Variants in RERE observed in about 807,000 individuals in gnomAD.
RERE encodes the protein arginine-glutamic acid dipeptide repeats.
RERE carries 40 observed loss-of-function variants against 146.1 expected under a neutral mutation model. That is an observed-to-expected ratio of 0.27 (90% confidence interval 0.21 to 0.36). The LOEUF (loss-of-function observed/expected upper bound fraction) is 0.36. Ranked by LOEUF, RERE falls within the 10% of genes least tolerant of loss-of-function variation. RERE has a pLI of 1.00. For synonymous variants in RERE, 1,003 were observed against 866.0 expected, an observed-to-expected ratio of 1.16 and a Z score of -2.78; for missense variants, 1,933 against 2,138.7, an observed-to-expected ratio of 0.90 and a Z score of 1.90.
chr1:8,395,717 A>G (rs1464566386), intron 12 of RERE, among the ~76,000 whole-genome samples: 1 of 152,174 alleles, frequency 6.6e-6, no homozygotes, highest in Non-Finnish European at 1.5e-5. Context: ...TTGTGGGAAT[A>G]TAAGACATCC....
At chr1:8,768,840 A>G (rs553138071) in intron 1 of RERE, among the ~76,000 whole-genome samples, 1 of 152,220 alleles carries the variant, frequency 6.6e-6, no homozygotes, top group East Asian at 1.9e-4. Flanking sequence ...TAGGAGGACA[A>G]AGGAAATCCA....
At chr1:8,644,877 A>G (rs544340637) in intron 2 of RERE, among the ~76,000 whole-genome samples, 2 of 152,226 alleles carry the variant, frequency 1.3e-5, no homozygotes, top group South Asian at 4.1e-4. Context: ...CAAAGTAATT[A>G]TATCACTTGC....
At chr1:8,680,163 T>C (rs1395950327) in intron 1 of RERE, among the ~76,000 whole-genome samples, 1 of 151,986 alleles carries the variant, frequency 6.6e-6, no homozygotes, top group Non-Finnish European at 1.5e-5. Flanking sequence ...TGGTGGAAAA[T>C]GGAGAAAGCC....
rs1252973543 is a variant in RERE at position 8,563,332 on chromosome 1, T to C, written c.523-5809A>G. Reference sequence around the variant, plus strand: ...TATCTGGATAGTTCATAAATACCAATAGGACTAGGGCAGAGAGAGAGAGAG... The same window carrying C: ...TATCTGGATAGTTCATAAATACCAACAGGACTAGGGCAGAGAGAGAGAGAG... On this transcript the variant is annotated intron_variant, in intron 4 of 22. Coordinates refer to ENST00000400908, the MANE Select transcript of RERE (RefSeq NM_001042681.2). Among the ~76,000 whole-genome samples the C allele has an allele frequency of 7.2e-5, 11 of 152,204 alleles. No individual in the cohort carries two copies. In the South Asian group the frequency reaches 1.0e-3, roughly 14 times the overall value.
At chr1:8,451,999 T>C (rs1418285539) in intron 11 of RERE, among the ~76,000 whole-genome samples, 3 of 152,192 alleles carry the variant, frequency 2.0e-5, no homozygotes, top group Non-Finnish European at 4.4e-5. Flanking sequence ...CTGAATTAGC[T>C]ACCTCACATC....
At chr1:8,609,212 T>C (rs1646760365) in intron 4 of RERE, among the ~76,000 whole-genome samples, 1 of 149,834 alleles carries the variant, frequency 6.7e-6, no homozygotes, top group Non-Finnish European at 1.5e-5. Context: ...AGCAAGACCC[T>C]GTCTCCCAAA....
chr1:8,584,500 T>A (rs1240768899), intron 4 of RERE, among the ~76,000 whole-genome samples: 6 of 152,164 alleles, frequency 3.9e-5, no homozygotes. Flanking sequence ...TGAGCTATGA[T>A]CCTGCCACGG....
intron 4 of RERE, among the ~76,000 whole-genome samples, chr1:8,588,047 T>C (rs1214846083): frequency 6.6e-6 from 1 of 152,152 alleles, no homozygotes; most frequent in African/African-American, 2.4e-5. Context: ...TCCCACTATG[T>C]GCCATGCACT....
At chr1:8,621,464 A>C (rs562962634) in intron 3 of RERE, among the ~76,000 whole-genome samples, 8 of 152,240 alleles carry the variant, frequency 5.3e-5, no homozygotes, top group African/African-American at 1.4e-4. Flanking sequence ...TTAACATCGT[A>C]ATCGTACCTA....
chr1:8,781,042 G>T (rs1234446274), intron 1 of RERE, among the ~76,000 whole-genome samples: 4 of 150,900 alleles, frequency 2.7e-5, no homozygotes, highest in African/African-American at 9.7e-5. Flanking sequence ...GGCAACATAG[G>T]GAGACCTTGT....
intron 2 of RERE, among the ~76,000 whole-genome samples, chr1:8,626,118 G>C (rs1570531922): frequency 6.6e-6 from 1 of 152,172 alleles, no homozygotes; most frequent in Non-Finnish European, 1.5e-5. Context: ...TAAGGGACAA[G>C]CAAGAGAATT....
intron 15 of RERE, 89 bp downstream of exon 15, chr1:8,363,967 T>A (rs1324564558): frequency 8.1e-7 from 1 of 1,231,860 alleles, no homozygotes; most frequent in Non-Finnish European, 1.2e-6. Context: ...AACAAGACTT[T>A]CGCTTCCTCC....
chr1:8,529,463 T>A (rs890797464), intron 7 of RERE, among the ~76,000 whole-genome samples: 1 of 60,940 alleles, frequency 1.6e-5, no homozygotes, highest in South Asian at 4.2e-4. Flanking sequence ...CTAAATTTTT[T>A]AATTTTTTTT....
At chr1:8,650,096 T>C (rs72855869) in intron 2 of RERE, among the ~76,000 whole-genome samples, 2,917 of 152,208 alleles carry the variant, frequency 0.019, 111 homozygotes, top group African/African-American at 0.067. Flanking sequence ...AAATCTATTA[T>C]GCTGAGCTCC....
intron 1 of RERE, among the ~76,000 whole-genome samples, chr1:8,658,342 T>C (rs746899765): frequency 6.6e-6 from 1 of 152,162 alleles, no homozygotes; most frequent in Non-Finnish European, 1.5e-5. Flanking sequence ...GAAGCTTCTG[T>C]TTCTCATGCA....
At chr1:8,796,097 G>C (rs765151034) in intron 1 of RERE, among the ~76,000 whole-genome samples, 4 of 151,408 alleles carry the variant, frequency 2.6e-5, no homozygotes, top group Admixed American at 6.6e-5. Context: ...ATATCCCTTA[G>C]TAAAATATTG....
intron 12 of RERE, among the ~76,000 whole-genome samples, chr1:8,372,607 T>C (rs1642084127): frequency 6.6e-6 from 1 of 151,280 alleles, no homozygotes; most frequent in Non-Finnish European, 1.5e-5. Context: ...CCCCTTTCGA[T>C]TCAGTTCACA....
chr1:8,489,972 C>T (rs576084375), intron 10 of RERE, among the ~76,000 whole-genome samples: 1 of 151,914 alleles, frequency 6.6e-6, no homozygotes, highest in Non-Finnish European at 1.5e-5. Flanking sequence ...ATGGCGTGAA[C>T]CCGGGAGGCA....
intron 10 of RERE, among the ~76,000 whole-genome samples, chr1:8,466,678 A>C (rs1644602311): frequency 6.6e-6 from 1 of 152,256 alleles, no homozygotes; most frequent in Admixed American, 6.5e-5. Flanking sequence ...TAAAGAAAGT[A>C]AGTCTGTAAT....
Sources: allele counts gnomAD v4.1 joint callset (sites outside exome capture counted in the v4.1 genomes callset), GRCh38; gene constraint gnomAD v4.1.1; transcripts MANE v1.5; gene names NCBI Gene and HGNC (gene_info 2026-07-23, HGNC 2026-07-21).